Variants in AGFG1 observed in about 807,000 individuals in gnomAD.
AGFG1 encodes arf-GAP domain and FG repeat-containing protein 1.
A neutral mutation model predicts 60.6 loss-of-function variants in AGFG1; 10 were observed. That is an observed-to-expected ratio of 0.16 (90% confidence interval 0.10 to 0.28). The LOEUF is 0.28. Ranked by LOEUF, AGFG1 falls within the 10% of genes least tolerant of loss-of-function variation. The pLI is 1.00. For synonymous variants in AGFG1, 247 were observed against 242.9 expected (o/e 1.02, Z -0.16); for missense variants, 537 against 676.5 (o/e 0.79, Z 2.29).
At chr2:227,519,540 T>G (rs998564719) in intron 2 of AGFG1, among the ~76,000 whole-genome samples, 3 of 152,198 alleles carry the variant, frequency 2.0e-5, no homozygotes, top group African/African-American at 7.2e-5. Context: ...TTAAAGTGTT[T>G]ATGATTCTAG....
At chr2:227,511,827 A>G (rs1275341669) in intron 2 of AGFG1, among the ~76,000 whole-genome samples, 14 of 152,132 alleles carry the variant, frequency 9.2e-5, no homozygotes, top group Non-Finnish European at 1.8e-4. Context: ...AGGTAGTGAA[A>G]ATAATGTGAG....
chr2:227,541,025 C>T (rs983044381), intron 10 of AGFG1, among the ~76,000 whole-genome samples: 6 of 152,098 alleles, frequency 3.9e-5, no homozygotes, highest in Non-Finnish European at 8.8e-5. Context: ...TATCCTTCGC[C>T]CACTTTTTGA....
At chr2:227,549,119 C>T (rs1692743083) in intron 10 of AGFG1, among the ~76,000 whole-genome samples, 1 of 151,278 alleles carries the variant, frequency 6.6e-6, no homozygotes, top group African/African-American at 2.4e-5. Context: ...TACATTTATT[C>T]TTCACAGCAG....
At chr2:227,499,886 C>T (rs1447296251) in intron 2 of AGFG1, among the ~76,000 whole-genome samples, 3 of 152,148 alleles carry the variant, frequency 2.0e-5, no homozygotes, top group African/African-American at 4.8e-5. Context: ...TTATGGGACA[C>T]GGACGCAGCC....
chr2:227,534,100 T>C (rs1692239072), intron 7 of AGFG1, among the ~76,000 whole-genome samples: 1 of 152,166 alleles, frequency 6.6e-6, no homozygotes, highest in Non-Finnish European at 1.5e-5. Context: ...GTTTCTGTAA[T>C]ATATTTACTT....
chr2:227,551,953 T>C lies in AGFG1; in HGVS notation c.1379-6T>C, dbSNP rs749578036. On this transcript the variant is annotated splice_polypyrimidine_tract_variant and splice_region_variant and intron_variant, in intron 10 of 12. Transcript: ENST00000310078. The stretch of plus-strand genomic sequence containing the variant: ...ATGTAACTGATCAGCCCTTCTCTTC[T>C]GTCAGCGGCAACCTTTGGCACTGCA... 1.2e-6 allele frequency: 2 copies of C among 1,613,532 alleles called. No homozygotes were observed. Among genetic ancestry groups the C allele is most frequent in the African/African-American group, 2.7e-5 (2 of 74,928 alleles).
At chr2:227,495,473 G>A (rs1690945159) in intron 2 of AGFG1, among the ~76,000 whole-genome samples, 1 of 150,732 alleles carries the variant, frequency 6.6e-6, no homozygotes, top group South Asian at 2.1e-4. Flanking sequence ...TTGAGCCCTG[G>A]AGTTCAAGGC....
chr2:227,546,886 T>C (rs1346179095), intron 10 of AGFG1, among the ~76,000 whole-genome samples: 1 of 152,230 alleles, frequency 6.6e-6, no homozygotes, highest in Non-Finnish European at 1.5e-5. Context: ...TCAAAGATTT[T>C]TTTTCCCTAA....
intron 2 of AGFG1, among the ~76,000 whole-genome samples, chr2:227,499,993 G>A (rs1037839325): frequency 1.3e-5 from 2 of 152,172 alleles, no homozygotes; most frequent in Admixed American, 6.5e-5. Flanking sequence ...TAAAATTGAT[G>A]TTGGGTTCTT....
In AGFG1 at chr2:227,557,891, C is replaced by G. The variant is rs1457281451; in HGVS notation, c.*3396C>G. ...ATGAAAATAGTTTGACTTTTCACAG[C>G]CTTTCAAAGAAAGGGTTGTAGGGAC... On this transcript the variant is annotated 3_prime_UTR_variant, in exon 13 of 13. Coordinates refer to ENST00000310078, the MANE Select transcript of AGFG1 (RefSeq NM_004504.5). 1.2e-4 allele frequency: 18 copies of G among 152,126 alleles called. No individual in the cohort carries two copies. Among genetic ancestry groups the G allele is most frequent in the Admixed American group, 1.1e-3 (17 of 15,276 alleles). The allele number at this position is 152,126 out of a possible 1,614,324, so 9.4% of individuals were successfully genotyped here.
At position 227,559,537 on chromosome 2, in the gene AGFG1, G is replaced by A. The variant is rs182424753; in HGVS notation, c.*5042G>A. The A allele has an allele frequency of 5.9e-5, 9 of 152,026 alleles. No individual in the cohort carries two copies. In the East Asian group the frequency reaches 1.7e-3, roughly 29 times the overall value. 9.4% of individuals were successfully genotyped at this position (152,026 alleles called of 1,614,324 possible). On this transcript the variant is annotated 3_prime_UTR_variant, in exon 13 of 13. Transcript: ENST00000310078. ...GTGCTTGTCCAACACAGGGCTGTAGGGACTGATGAAAAGAGAATGTTGTGA... is the reference window on the plus strand; with the variant it reads ...GTGCTTGTCCAACACAGGGCTGTAGAGACTGATGAAAAGAGAATGTTGTGA...
chr2:227,526,625 C>T (rs1419173382), intron 5 of AGFG1, among the ~76,000 whole-genome samples: 1 of 149,922 alleles, frequency 6.7e-6, no homozygotes, highest in Non-Finnish European at 1.5e-5. Flanking sequence ...TTACCGCAAC[C>T]TCTGCCTCCC....
intron 6 of AGFG1, 91 bp from the exon 7 acceptor site, chr2:227,533,458 C>A: frequency 9.0e-7 from 1 of 1,112,078 alleles, no homozygotes; most frequent in Non-Finnish European, 1.3e-6. Flanking sequence ...GCTTATAGGA[C>A]ATTTAATTTA....
At chr2:227,532,020 G>T in intron 6 of AGFG1, 1 of 704,660 alleles carries the variant, frequency 1.4e-6, no homozygotes, top group Non-Finnish European at 2.2e-6. Flanking sequence ...TTAGATTTTT[G>T]GCTGATTACT....
At position 227,557,711 on chromosome 2, in the gene AGFG1, T is replaced by G. The variant is rs1693016315; in HGVS notation, c.*3216T>G. On this transcript the variant is annotated 3_prime_UTR_variant, in exon 13 of 13. Coordinates refer to ENST00000310078, the MANE Select transcript of AGFG1 (RefSeq NM_004504.5). ...GAGAACAGGAACATTGTTTTACATTTTATGCATTTAAATCTGGCTTAATAA... is the reference window on the plus strand; with the variant it reads ...GAGAACAGGAACATTGTTTTACATTGTATGCATTTAAATCTGGCTTAATAA... The G allele has an allele frequency of 6.6e-6, 1 of 152,206 alleles. No homozygotes were observed. The highest frequency in any genetic ancestry group is 2.4e-5 in the African/African-American group (1 of 41,460). 9.4% of individuals were successfully genotyped at this position (152,206 alleles called of 1,614,324 possible).
chr2:227,549,165 C>G (rs1470917621), intron 10 of AGFG1, among the ~76,000 whole-genome samples: 3 of 152,146 alleles, frequency 2.0e-5, no homozygotes, highest in Non-Finnish European at 1.5e-5. Context: ...CTCTATCCCT[C>G]CACCTCATTT....
intron 2 of AGFG1, among the ~76,000 whole-genome samples, chr2:227,494,908 A>G (rs1013343500): frequency 1.3e-5 from 2 of 152,226 alleles, no homozygotes; most frequent in African/African-American, 4.8e-5. Context: ...AGTCATCAAT[A>G]AAGTATATCT....
At chr2:227,545,716 G>A (rs1228441330) in intron 10 of AGFG1, among the ~76,000 whole-genome samples, 1 of 152,176 alleles carries the variant, frequency 6.6e-6, no homozygotes, top group Non-Finnish European at 1.5e-5. Context: ...CAAACAGTCA[G>A]GACCCTCAGC....
chr2:227,495,133 T>C (rs921447810), intron 2 of AGFG1, among the ~76,000 whole-genome samples: 3 of 152,196 alleles, frequency 2.0e-5, no homozygotes, highest in Admixed American at 6.5e-5. Flanking sequence ...TAGTAAAATA[T>C]TTCGCATTGG....
Sources: allele counts gnomAD v4.1 joint callset (sites outside exome capture counted in the v4.1 genomes callset), GRCh38; gene constraint gnomAD v4.1.1; transcripts MANE v1.5; gene names NCBI Gene and HGNC (gene_info 2026-07-23, HGNC 2026-07-21).